Variants in BCR observed in about 807,000 individuals in gnomAD.
BCR encodes the protein breakpoint cluster region protein.
A neutral mutation model predicts 138.6 loss-of-function variants in BCR; 58 were observed. The observed-to-expected ratio is 0.42, with a 90% CI of 0.34 to 0.52. The LOEUF is 0.52. Among genes scored for constraint, BCR ranks in the 20% least tolerant of loss-of-function variants. BCR has a pLI of 0.06. For synonymous variants in BCR, 786 were observed against 730.1 expected (o/e 1.08, Z -1.23); for missense variants, 1,599 against 1,727.2 (o/e 0.93, Z 1.32).
In BCR at chr22:23,295,017, GC is replaced by G. The variant is rs2073829733; in HGVS notation, c.2881-6del. The G allele has an allele frequency of 1.9e-6, 3 of 1,613,710 alleles. No individual in the cohort carries two copies. ...CACTGGACTTCCCTTCTCCCTTGGGGCTGCAGGAATTTGAGATAGAGCTGGA... is the reference window on the plus strand; with the variant it reads ...CACTGGACTTCCCTTCTCCCTTGGGGTGCAGGAATTTGAGATAGAGCTGGA... On this transcript the variant is annotated splice_polypyrimidine_tract_variant and splice_region_variant and intron_variant, in intron 15 of 22. Transcript: ENST00000305877.
At chr22:23,309,372 G>A (rs1052511535) in intron 16 of BCR, 52 bp from the exon 17 acceptor site, 64 of 1,392,044 alleles carry the variant, frequency 4.6e-5, no homozygotes, top group Non-Finnish European at 5.1e-5. Flanking sequence ...TGCCCCGTGG[G>A]GCCTCTGAAC....
intron 1 of BCR, among the ~76,000 whole-genome samples, chr22:23,250,570 ACAATTCCAAG>A (rs1302318089): frequency 1.3e-5 from 2 of 152,206 alleles, no homozygotes; most frequent in Non-Finnish European, 2.9e-5. Flanking sequence ...GTAGACGCTG[ACAATTCCAAG>A]CTAATGTAAA....
chr22:23,224,242 A>G (rs1040553630), intron 1 of BCR, among the ~76,000 whole-genome samples: 1 of 152,168 alleles, frequency 6.6e-6, no homozygotes, highest in African/African-American at 2.4e-5. Flanking sequence ...ACTGGCATTT[A>G]TACCTTTACT....
At chr22:23,296,095 G>T (rs183897334) in intron 16 of BCR, among the ~76,000 whole-genome samples, 303 of 708 alleles carry the variant, frequency 0.43, 3 homozygotes, top group African/African-American at 0.49. Flanking sequence ...CAAGTGCCAG[G>T]CTGGGCGTGG....
intron 1 of BCR, among the ~76,000 whole-genome samples, chr22:23,232,223 C>G (rs1038792386): frequency 6.6e-6 from 1 of 152,258 alleles, no homozygotes; most frequent in Non-Finnish European, 1.5e-5. Context: ...AGGCACTGTT[C>G]TGGGTGCTGT....
chr22:23,206,180 G>GC (rs1469547319), intron 1 of BCR, among the ~76,000 whole-genome samples: 1 of 152,172 alleles, frequency 6.6e-6, no homozygotes, highest in African/African-American at 2.4e-5. Context: ...AACAAGGCTG[G>GC]CCATGAGCTA....
intron 1 of BCR, among the ~76,000 whole-genome samples, chr22:23,214,109 T>G (rs539572097): frequency 6.6e-6 from 1 of 152,194 alleles, no homozygotes; most frequent in Non-Finnish European, 1.5e-5. Context: ...TAATAACATT[T>G]GTTATTCTCA....
chr22:23,313,029 C>T lies in BCR; in HGVS notation c.3457+8C>T. 2 of 1,560,780 alleles carry T rather than the reference C, an allele frequency of 1.3e-6. No individual in the cohort carries two copies. The highest frequency in any genetic ancestry group is 1.7e-6 in the Non-Finnish European group (2 of 1,158,494). ...ACTTCGCAGAGGGCATCGGTGAGCA[C>T]TGGAGGCCTTGGCCTCATGGGAGAC... is the stretch of plus-strand genomic sequence containing the variant. On this transcript the variant is annotated splice_region_variant and intron_variant, in intron 20 of 22. Transcript: ENST00000305877.
chr22:23,215,676 A>C (rs116593140), intron 1 of BCR, among the ~76,000 whole-genome samples: 2 of 152,194 alleles, frequency 1.3e-5, no homozygotes, highest in African/African-American at 4.8e-5. Flanking sequence ...ACAGTCAGTG[A>C]TGAAGGCAGA....
chr22:23,262,773 G>T (rs2073380228), intron 4 of BCR: 1 of 947,422 alleles, frequency 1.1e-6, no homozygotes, highest in South Asian at 4.6e-5. Context: ...GTGACGAGGG[G>T]GAAGCGAAGG....
chr22:23,273,023 A>C, intron 6 of BCR, 58 bp from the exon 7 acceptor site: 1 of 1,582,910 alleles, frequency 6.3e-7, no homozygotes, highest in Non-Finnish European at 8.7e-7. Context: ...GAGGGTGGTC[A>C]GGCAGCTGGT....
intron 3 of BCR, 71 bp downstream of exon 3, chr22:23,261,125 C>A: frequency 6.8e-7 from 1 of 1,476,924 alleles, no homozygotes; most frequent in South Asian, 1.2e-5. Flanking sequence ...CCTCTTTGCC[C>A]TTAAGTCCCA....
chr22:23,285,499 C>T lies in BCR; in HGVS notation c.2406+298C>T, dbSNP rs2073701547. Among the ~76,000 whole-genome samples, 3 of 152,212 alleles carry T rather than the reference C, an allele frequency of 2.0e-5. No homozygotes were observed. The South Asian group carries it at 6.2e-4, about 32-fold the overall frequency. ...ACAGTGCGCCTTTCACGGGATACTT[C>T]TTAGACCTGGTGGACTGCCTCATGC... is the stretch of plus-strand genomic sequence containing the variant. On this transcript the variant is annotated intron_variant, in intron 10 of 22. Coordinates refer to ENST00000305877, the MANE Select transcript of BCR (RefSeq NM_004327.4).
chr22:23,182,188 A>G lies in BCR; in HGVS notation c.1228A>G (p.Thr410Ala), dbSNP rs372259892. 1.8e-5 allele frequency: 29 copies of G among 1,600,054 alleles called. No homozygotes were observed. The African/African-American group carries it at 3.7e-4, about 21-fold the overall frequency. ...GGCCACCATCGTGGGCGTCCGCAAG[A>G]CCGGGCAGATCTGGCCCAACGATGG... Reference protein sequence around the residue: ...SEATIVGVRKTGQIWPNDGEG... With the variant: ...SEATIVGVRKAGQIWPNDGEG... Residue 410 changes from threonine to alanine, a missense_variant, in exon 1 of 23, where the codon ACC becomes GCC. Around this residue, in one of 4 missense-constraint regions of BCR, gnomAD observed 806 missense variants for 635.0 expected, o/e 1.27. Coordinates refer to ENST00000305877, the MANE Select transcript of BCR (RefSeq NM_004327.4).
At chr22:23,182,963 A>G (rs1006391835) in intron 1 of BCR, among the ~76,000 whole-genome samples, 1 of 152,086 alleles carries the variant, frequency 6.6e-6, no homozygotes, top group South Asian at 2.1e-4. Flanking sequence ...TTCACCCATG[A>G]TTATTCACCA....
At chr22:23,262,704 TGAGGGC>T (rs2073377791) in intron 4 of BCR, 3 of 180,748 alleles carry the variant, frequency 1.7e-5, no homozygotes, top group Non-Finnish European at 2.2e-5. Context: ...CGGGCCCGGG[TGAGGGC>T]GGGCCCGGGT....
intron 19 of BCR, among the ~76,000 whole-genome samples, chr22:23,312,112 G>A (rs2074014398): frequency 6.6e-6 from 1 of 152,262 alleles, no homozygotes; most frequent in Non-Finnish European, 1.5e-5. Flanking sequence ...TTGGACAGGA[G>A]GTGGAAGCCC....
In BCR at chr22:23,217,100, T is replaced by G. The variant is rs1255959390; in HGVS notation, c.1279+34861T>G. The G allele has an allele frequency of 1.6e-5, 7 of 434,486 alleles. 1 individual carries two copies. The Middle Eastern group carries it at 1.7e-3, about 102-fold the overall frequency. The allele number at this position is 434,486 out of a possible 1,614,324, so 26.9% of individuals were successfully genotyped here. A position where few individuals can be genotyped will look rare whatever the true frequency, so the allele number is the denominator to read the frequency against. On this transcript the variant is annotated intron_variant, in intron 1 of 22. Coordinates refer to ENST00000305877, the MANE Select transcript of BCR (RefSeq NM_004327.4). Reference sequence around the variant, plus strand: ...TCTGGTGATTGCTCCCACCACAGGATTTTAGTTACACAGTCACAGGACAAG... The same window carrying G: ...TCTGGTGATTGCTCCCACCACAGGAGTTTAGTTACACAGTCACAGGACAAG...
chr22:23,280,539 C>T (rs1035889122), intron 8 of BCR, among the ~76,000 whole-genome samples: 2 of 152,180 alleles, frequency 1.3e-5, no homozygotes, highest in African/African-American at 2.4e-5. Flanking sequence ...CCCTGCAGGT[C>T]GCAGTTTCAT....
Sources: gnomAD v4.1 joint callset for allele counts (sites outside exome capture counted in the v4.1 genomes callset) on GRCh38, gnomAD v4.1.1 for gene constraint, gnomAD v4.1.1 regional missense constraint, MANE v1.5 for transcripts, NCBI Gene and HGNC (gene_info 2026-07-23, HGNC 2026-07-21) for gene names.